Variants in FAT3 observed in about 807,000 individuals in gnomAD.
FAT3 encodes protocadherin Fat 3.
FAT3 carries 95 observed loss-of-function variants against 310.2 expected under a neutral mutation model. The ratio of observed to expected loss-of-function variants is 0.31; its 90% CI spans 0.26 to 0.36. FAT3 has a LOEUF of 0.36. Ranked by LOEUF, FAT3 falls within the 10% of genes least tolerant of loss-of-function variation. FAT3 has a pLI of 1.00. For missense variants in FAT3, 5,408 were observed against 5,715.6 expected (o/e 0.95, Z 1.74); for synonymous variants, 2,314 against 2,192.9 (o/e 1.06, Z -1.54).
intron 2 of FAT3, among the ~76,000 whole-genome samples, chr11:92,519,776 A>T (rs961537245): frequency 1.3e-5 from 2 of 152,142 alleles, no homozygotes; most frequent in Admixed American, 6.6e-5. Flanking sequence ...ACTTTTAAAG[A>T]TGCTTAACAT....
intron 4 of FAT3, among the ~76,000 whole-genome samples, chr11:92,760,401 A>C (rs2136079467): frequency 6.6e-6 from 1 of 152,302 alleles, no homozygotes; most frequent in African/African-American, 2.4e-5. Context: ...AAAATAGCTG[A>C]CCAGCTGCTT....
rs778120968 is a variant in FAT3 at position 92,890,860 on chromosome 11, T to C, written c.13517T>C (p.Val4506Ala). The C allele has an allele frequency of 1.9e-6, 3 of 1,611,402 alleles. No homozygotes were observed. Among genetic ancestry groups the C allele is most frequent in the Non-Finnish European group, 2.5e-6 (3 of 1,179,160 alleles). The part of the protein sequence containing the change: ...PHPFPNETDL[V>A]GPPASCEFST... ...CCATTCCCCAACGAAACGGATTTGGTGGGCCCGCCTGCCAGCTGTGAATTT... is the reference window on the plus strand; with the variant it reads ...CCATTCCCCAACGAAACGGATTTGGCGGGCCCGCCTGCCAGCTGTGAATTT... Residue 4506 changes from valine (V) to alanine (A), a missense_variant, in exon 28 of 28, where the codon GTG becomes GCG. Val to Ala is a moderately conservative substitution (Grantham distance 64). Coordinates refer to ENST00000525166, the MANE Select transcript of FAT3 (RefSeq NM_001367949.2).
chr11:92,466,761 T>C (rs1332296348), intron 2 of FAT3, among the ~76,000 whole-genome samples: 2 of 116,240 alleles, frequency 1.7e-5, no homozygotes, highest in Non-Finnish European at 1.6e-5. Context: ...GTCCCCAGAG[T>C]GTGATGTTCC....
At chr11:92,708,554 T>G (rs531121488) in intron 4 of FAT3, among the ~76,000 whole-genome samples, 28 of 152,256 alleles carry the variant, frequency 1.8e-4, no homozygotes, top group Non-Finnish European at 3.1e-4. Context: ...GTTAAGTGTT[T>G]AATATGTTAG....
chr11:92,247,701 A>C (rs1170534798), intron 1 of FAT3, among the ~76,000 whole-genome samples: 1 of 148,416 alleles, frequency 6.7e-6, no homozygotes, highest in Non-Finnish European at 1.5e-5. Flanking sequence ...AAGTCTGCCT[A>C]TTGTAAGATG....
At position 92,355,179 on chromosome 11, in the gene FAT3, T is replaced by C. The variant is rs1409992974; in HGVS notation, c.3067T>C (p.Ser1023Pro). The C allele has an allele frequency of 6.2e-7, 1 of 1,613,860 alleles. No homozygotes were observed. Among genetic ancestry groups the C allele is most frequent in the East Asian group, 2.2e-5 (1 of 44,880 alleles). The change falls in exon 2 of 28, where the codon TCT becomes CCT. Residue 1023 changes from serine to proline, a missense_variant. Around this residue, in one of 5 missense-constraint regions of FAT3, gnomAD observed 4,588 missense variants for 4,809.8 expected, o/e 0.95. Transcript: ENST00000525166. Reference protein sequence around the residue: ...KDKGRPVSLSSVSFVEVEVVD... With the variant: ...KDKGRPVSLSPVSFVEVEVVD... ...CAAAGGGCGGCCTGTCTCTCTGTCA[T>C]CTGTTTCCTTTGTTGAGGTGGAAGT...
chr11:92,675,463 A>C (rs1943257645), intron 3 of FAT3, among the ~76,000 whole-genome samples: 1 of 152,242 alleles, frequency 6.6e-6, no homozygotes, highest in Admixed American at 6.5e-5. Context: ...TTCTCTGGGC[A>C]GATGTGTTAT....
intron 1 of FAT3, among the ~76,000 whole-genome samples, chr11:92,250,553 G>T (rs1468821219): frequency 1.3e-5 from 2 of 152,202 alleles, no homozygotes; most frequent in African/African-American, 4.8e-5. Context: ...GATTTAATTG[G>T]GAGGTATTTG....
chr11:92,447,921 G>A (rs992857601), intron 2 of FAT3, among the ~76,000 whole-genome samples: 6 of 151,824 alleles, frequency 4.0e-5, no homozygotes, highest in African/African-American at 1.2e-4. Flanking sequence ...TGACAAGAAG[G>A]CAGGATCCAG....
chr11:92,529,290 T>G (rs995382639), intron 3 of FAT3, among the ~76,000 whole-genome samples: 3 of 152,176 alleles, frequency 2.0e-5, no homozygotes, highest in African/African-American at 7.2e-5. Context: ...AGGGGATCTT[T>G]GCGGACCTGA....
intron 3 of FAT3, among the ~76,000 whole-genome samples, chr11:92,684,322 G>T (rs773551567): frequency 2.0e-4 from 30 of 152,130 alleles, no homozygotes; most frequent in Non-Finnish European, 4.0e-4. Flanking sequence ...TTGCTGAACT[G>T]CATGGGTGGA....
intron 3 of FAT3, among the ~76,000 whole-genome samples, chr11:92,544,268 TTAGA>T (rs1029819111): frequency 3.9e-5 from 6 of 152,160 alleles, no homozygotes; most frequent in African/African-American, 1.2e-4. Flanking sequence ...AAATATGCAC[TTAGA>T]TAGAAGAAAT....
In FAT3 at chr11:92,886,994, A is replaced by C; in HGVS notation, c.12938-6A>C. The C allele has an allele frequency of 4.4e-6, 7 of 1,593,552 alleles. No homozygotes were observed. Among genetic ancestry groups the C allele is most frequent in the South Asian group, 1.1e-5 (1 of 87,278 alleles). On this transcript the variant is annotated splice_polypyrimidine_tract_variant and splice_region_variant and intron_variant, in intron 24 of 27. Transcript: ENST00000525166. ...ATTTCTGCTTTCTCTTTCACTGTCC[A>C]TGAAGACAAAGGGGTTGATGACCCG... is the stretch of plus-strand genomic sequence containing the variant.
chr11:92,476,320 C>T (rs2135172072), intron 2 of FAT3, among the ~76,000 whole-genome samples: 1 of 152,246 alleles, frequency 6.6e-6, no homozygotes, highest in Non-Finnish European at 1.5e-5. Context: ...TTTGTATAAC[C>T]TAGTTTCAAA....
At chr11:92,758,430 G>A (rs553801408) in intron 4 of FAT3, among the ~76,000 whole-genome samples, 152 of 152,298 alleles carry the variant, frequency 1.0e-3, no homozygotes, top group African/African-American at 3.6e-3. Flanking sequence ...TCCCAGGAGA[G>A]GGCATTCCAT....
intron 3 of FAT3, among the ~76,000 whole-genome samples, chr11:92,564,374 C>A (rs539122467): frequency 0.013 from 1,999 of 150,342 alleles, 49 homozygotes; most frequent in African/African-American, 0.047. Context: ...CAGGAGCACC[C>A]AGATTCATAA....
chr11:92,742,025 G>A (rs1378828972), intron 4 of FAT3, among the ~76,000 whole-genome samples: 1 of 152,188 alleles, frequency 6.6e-6, no homozygotes, highest in Non-Finnish European at 1.5e-5. Flanking sequence ...AAAACCAAAA[G>A]GAACTGATAT....
intron 4 of FAT3, among the ~76,000 whole-genome samples, chr11:92,732,612 C>G (rs1422984482): frequency 2.6e-5 from 4 of 152,168 alleles, no homozygotes; most frequent in Non-Finnish European, 5.9e-5. Flanking sequence ...CCTGGTTTCT[C>G]CATTGTTTCT....
At chr11:92,309,567 C>A (rs1301955637) in intron 1 of FAT3, among the ~76,000 whole-genome samples, 1 of 152,128 alleles carries the variant, frequency 6.6e-6, no homozygotes, top group African/African-American at 2.4e-5. Context: ...CTCCCTGTTT[C>A]TTTCCCACCC....
Sources: gnomAD v4.1 joint callset for allele counts (sites outside exome capture counted in the v4.1 genomes callset) on GRCh38, gnomAD v4.1.1 for gene constraint, gnomAD v4.1.1 regional missense constraint, MANE v1.5 for transcripts, NCBI Gene and HGNC (gene_info 2026-07-23, HGNC 2026-07-21) for gene names.